Variants in RASAL2 observed in about 807,000 individuals in gnomAD.
The protein encoded by RASAL2 is ras GTPase-activating protein nGAP.
A neutral mutation model predicts 128.9 loss-of-function variants in RASAL2; 58 were observed. The ratio of observed to expected loss-of-function variants is 0.45; its 90% CI spans 0.36 to 0.56. RASAL2 has a LOEUF of 0.56. RASAL2 is among the 20% of genes least tolerant of loss of function. RASAL2 has a pLI of 0.00. For synonymous variants in RASAL2, 561 were observed against 580.8 expected (o/e 0.97, Z 0.49); for missense variants, 1,360 against 1,601.6 (o/e 0.85, Z 2.57).
At chr1:178,402,113 T>G (rs1273728427) in intron 4 of RASAL2, among the ~76,000 whole-genome samples, 2 of 152,172 alleles carry the variant, frequency 1.3e-5, no homozygotes, top group Non-Finnish European at 2.9e-5. Context: ...TTTGGAAGTT[T>G]GCAGATAAAA....
intron 1 of RASAL2, among the ~76,000 whole-genome samples, chr1:178,196,404 A>G (rs1202003943): frequency 6.6e-6 from 1 of 152,184 alleles, no homozygotes; most frequent in African/African-American, 2.4e-5. Flanking sequence ...AGGCAAACCA[A>G]TCAATGGAAA....
intron 2 of RASAL2, among the ~76,000 whole-genome samples, chr1:178,297,754 T>C (rs186212149): frequency 5.4e-4 from 82 of 152,218 alleles, no homozygotes; most frequent in African/African-American, 1.5e-3. Context: ...TAAGTTTTAA[T>C]ACTGGGAAAT....
intron 3 of RASAL2, among the ~76,000 whole-genome samples, chr1:178,348,623 A>T (rs1424391502): frequency 6.6e-6 from 1 of 151,872 alleles, no homozygotes; most frequent in African/African-American, 2.4e-5. Context: ...CATGTATGTT[A>T]TACTTCAGTA....
chr1:178,359,576 C>T (rs1436437872), intron 3 of RASAL2, among the ~76,000 whole-genome samples: 1 of 152,126 alleles, frequency 6.6e-6, no homozygotes, highest in African/African-American at 2.4e-5. Flanking sequence ...TCCCAAGATA[C>T]TTAAATTTTT....
At chr1:178,243,561 C>G (rs960852963) in intron 1 of RASAL2, among the ~76,000 whole-genome samples, 3 of 149,110 alleles carry the variant, frequency 2.0e-5, no homozygotes, top group African/African-American at 5.0e-5. Context: ...GCCTCCCCAT[C>G]ATTACCCCTT....
intron 1 of RASAL2, among the ~76,000 whole-genome samples, chr1:178,160,064 T>TC (rs1295366439): frequency 1.3e-5 from 2 of 151,994 alleles, no homozygotes; most frequent in Non-Finnish European, 2.9e-5. Flanking sequence ...TTTCTTTCTT[T>TC]TTTTTTTTAA....
chr1:178,259,630 C>T (rs1371355657), intron 1 of RASAL2, among the ~76,000 whole-genome samples: 2 of 152,164 alleles, frequency 1.3e-5, no homozygotes, highest in Non-Finnish European at 2.9e-5. Flanking sequence ...CTGGACAGTG[C>T]AGTGGTGTGA....
intron 1 of RASAL2, among the ~76,000 whole-genome samples, chr1:178,118,225 CT>C (rs1467215044): frequency 6.6e-6 from 1 of 151,600 alleles, no homozygotes; most frequent in East Asian, 1.9e-4. Context: ...GGTTCTCAAC[CT>C]TTTTGGCACC....
chr1:178,133,941 G>A (rs1309901861), intron 1 of RASAL2, among the ~76,000 whole-genome samples: 1 of 152,190 alleles, frequency 6.6e-6, no homozygotes, highest in Admixed American at 6.5e-5. Flanking sequence ...AGATTCTGAT[G>A]AATGTTGGGA....
At chr1:178,259,232 G>A (rs1481121450) in intron 1 of RASAL2, among the ~76,000 whole-genome samples, 3 of 138,452 alleles carry the variant, frequency 2.2e-5, no homozygotes, top group Admixed American at 7.9e-5. Flanking sequence ...CCAGGTTCAC[G>A]CCATTCTCCT....
At chr1:178,270,378 G>A (rs1293683399) in intron 1 of RASAL2, among the ~76,000 whole-genome samples, 2 of 150,514 alleles carry the variant, frequency 1.3e-5, no homozygotes, top group Non-Finnish European at 3.0e-5. Context: ...CCATCTTTTT[G>A]TCTTTTTGAT....
chr1:178,113,511 A>AGAGTGT (rs1371559135), intron 1 of RASAL2, among the ~76,000 whole-genome samples: 1 of 122,268 alleles, frequency 8.2e-6, no homozygotes, highest in East Asian at 2.7e-4. Context: ...CATGCCTGCG[A>AGAGTGT]GTGTGTGTGT....
intron 3 of RASAL2, among the ~76,000 whole-genome samples, chr1:178,327,723 C>T (rs1164659534): frequency 1.3e-5 from 2 of 152,048 alleles, no homozygotes; most frequent in Non-Finnish European, 2.9e-5. Flanking sequence ...CCTAGAAAAA[C>T]AGTATAGAAA....
Position 178,456,742 on chromosome 1 carries a change from C to A in RASAL2, c.2233C>A (p.Pro745Thr). ...LDKATVAKLGPLPRVLADITK... is the reference protein window; with the variant it reads ...LDKATVAKLGTLPRVLADITK... ...ACAGGCGACCGTGGCAAAATTGGGG[C>A]CTCTCCCTCGTGTTCTTGCTGATAT... The change falls in exon 13 of 18, where the codon CCT (proline) becomes ACT (threonine). Residue 745 changes from proline (P) to threonine (T), a missense_variant. Pro to Thr is a conservative substitution (Grantham distance 38, BLOSUM62 -1). Transcript: ENST00000367649. 6.2e-7 allele frequency: 1 copy of A among 1,614,116 alleles called. No homozygotes were observed. The highest frequency in any genetic ancestry group is 8.5e-7 in the Non-Finnish European group (1 of 1,180,018).
chr1:178,402,840 TTCA>T (rs1300592093), intron 4 of RASAL2, among the ~76,000 whole-genome samples: 1 of 152,138 alleles, frequency 6.6e-6, no homozygotes, highest in African/African-American at 2.4e-5. Context: ...TTCAATTAAA[TTCA>T]TCTAGTCCGT....
intron 2 of RASAL2, among the ~76,000 whole-genome samples, chr1:178,296,105 A>G (rs1571802541): frequency 6.6e-6 from 1 of 150,824 alleles, no homozygotes; most frequent in East Asian, 2.0e-4. Context: ...ATATATGTGT[A>G]TATATGTGTG....
intron 3 of RASAL2, among the ~76,000 whole-genome samples, chr1:178,304,946 C>T (rs2102283299): frequency 6.6e-6 from 1 of 152,168 alleles, no homozygotes; most frequent in Admixed American, 6.5e-5. Context: ...TAAACAAATT[C>T]AGTAAAGTTA....
chr1:178,381,035 G>A (rs1672254044), intron 3 of RASAL2, among the ~76,000 whole-genome samples: 1 of 152,192 alleles, frequency 6.6e-6, no homozygotes, highest in African/African-American at 2.4e-5. Flanking sequence ...AGATATGTAG[G>A]TGAAAAAAGC....
intron 1 of RASAL2, among the ~76,000 whole-genome samples, chr1:178,099,959 CA>C (rs927257362): frequency 4.9e-5 from 7 of 142,746 alleles, no homozygotes; most frequent in East Asian, 4.0e-4. Context: ...GAGACTATCT[CA>C]AAAAAAAAAC....
Sources: gnomAD v4.1 joint callset for allele counts (sites outside exome capture counted in the v4.1 genomes callset) on GRCh38, gnomAD v4.1.1 for gene constraint, MANE v1.5 for transcripts, NCBI Gene and HGNC (gene_info 2026-07-23, HGNC 2026-07-21) for gene names.